The following KCNB2 variants were observed in gnomAD, a reference collection of about 807,000 sequenced individuals.
KCNB2 encodes the protein delayed rectifier potassium channel protein.
KCNB2 carries 15 observed loss-of-function variants against 61.5 expected under a neutral mutation model. The observed-to-expected ratio is 0.24, with a 90% CI of 0.16 to 0.38. The LOEUF is 0.38. Ranked by LOEUF, KCNB2 falls within the 10% of genes least tolerant of loss-of-function variation. The probability of loss-of-function intolerance (pLI) is 1.00; values close to 1 mark genes in which losing one functional copy is unlikely to be tolerated. For missense variants in KCNB2, 828 were observed against 1,125.2 expected (o/e 0.74, Z 3.78); for synonymous variants, 457 against 446.0 (o/e 1.02, Z -0.31).
chr8:72,692,611 A>C (rs1242569071), intron 2 of KCNB2, among the ~76,000 whole-genome samples: 2 of 152,102 alleles, frequency 1.3e-5, no homozygotes, highest in Non-Finnish European at 2.9e-5. Context: ...GTACCCACCA[A>C]ACTACTCCCC....
At chr8:72,678,036 T>A (rs2256916) in intron 2 of KCNB2, among the ~76,000 whole-genome samples, 38,853 of 152,076 alleles carry the variant, frequency 0.26, 8,609 homozygotes, top group African/African-American at 0.6. Context: ...TCCCCTAAAC[T>A]GGTTCTTCCT....
At chr8:72,664,194 G>C (rs1396151650) in intron 2 of KCNB2, among the ~76,000 whole-genome samples, 2 of 152,222 alleles carry the variant, frequency 1.3e-5, no homozygotes, top group Non-Finnish European at 2.9e-5. Context: ...CCCTGTGTCA[G>C]CTCAGCTCCT....
chr8:72,717,094 C>A (rs1396958624), intron 2 of KCNB2, among the ~76,000 whole-genome samples: 1 of 152,078 alleles, frequency 6.6e-6, no homozygotes, highest in Admixed American at 6.6e-5. Context: ...ACCTAGGAAT[C>A]CAACTTACAA....
At chr8:72,638,165 G>A (rs540005206) in intron 2 of KCNB2, among the ~76,000 whole-genome samples, 20 of 152,022 alleles carry the variant, frequency 1.3e-4, no homozygotes, top group Non-Finnish European at 2.1e-4. Flanking sequence ...TCCAGTATCC[G>A]CCATTCAGAA....
At chr8:72,739,251 CT>C (rs1807903052) in intron 2 of KCNB2, among the ~76,000 whole-genome samples, 2 of 151,730 alleles carry the variant, frequency 1.3e-5, no homozygotes, top group African/African-American at 4.9e-5. Context: ...CCCCCGAGAA[CT>C]GGAATTCATT....
At chr8:72,934,285 G>C (rs1806853833) in intron 2 of KCNB2, among the ~76,000 whole-genome samples, 2 of 150,898 alleles carry the variant, frequency 1.3e-5, no homozygotes, top group Admixed American at 1.3e-4. Context: ...AAGGCCAGAG[G>C]ATCACTTGAG....
chr8:72,716,653 G>T (rs1253845664), intron 2 of KCNB2, among the ~76,000 whole-genome samples: 1 of 152,104 alleles, frequency 6.6e-6, no homozygotes. Context: ...GGTATTGATG[G>T]GACGTATCTC....
rs138114031 is a variant in KCNB2, at chr8:72,699,185, G to A, written c.579+130872G>A. 2.1e-3 allele frequency among the ~76,000 whole-genome samples: 322 copies of A among 152,084 alleles called. 3 individuals are homozygous for A. Among genetic ancestry groups the A allele is most frequent in the African/African-American group, 7.3e-3 (302 of 41,520 alleles). On this transcript the variant is annotated intron_variant, in intron 2 of 2. Transcript: ENST00000523207. Reference sequence around the variant, plus strand: ...AAAAAACAACATCATTAAAAAGTGAGCAAACTAATTTACACTTCCAACAAC... The same window carrying A: ...AAAAAACAACATCATTAAAAAGTGAACAAACTAATTTACACTTCCAACAAC...
intron 2 of KCNB2, among the ~76,000 whole-genome samples, chr8:72,689,462 T>C (rs1806907117): frequency 6.6e-6 from 1 of 152,222 alleles, no homozygotes; most frequent in Admixed American, 6.5e-5. Context: ...ATTTTTAGTA[T>C]GTTTGCAGAG....
intron 2 of KCNB2, among the ~76,000 whole-genome samples, chr8:72,663,954 C>T (rs1270680272): frequency 2.0e-5 from 3 of 152,180 alleles, no homozygotes; most frequent in Non-Finnish European, 2.9e-5. Context: ...AATAAATGGT[C>T]CTCCTCCTTC....
At chr8:72,771,283 A>T (rs1808553462) in intron 2 of KCNB2, among the ~76,000 whole-genome samples, 1 of 152,234 alleles carries the variant, frequency 6.6e-6, no homozygotes, top group South Asian at 2.1e-4. Flanking sequence ...TGCTCATTTG[A>T]AAAGCAGGGA....
At chr8:72,565,972 A>G (rs1806618556) in intron 1 of KCNB2, among the ~76,000 whole-genome samples, 1 of 152,192 alleles carries the variant, frequency 6.6e-6, no homozygotes, top group South Asian at 2.1e-4. Flanking sequence ...GGTATGGTGG[A>G]AGTTTCATGA....
chr8:72,554,333 C>T (rs577180881), intron 1 of KCNB2, among the ~76,000 whole-genome samples: 36 of 152,122 alleles, frequency 2.4e-4, no homozygotes, highest in Non-Finnish European at 3.5e-4. Flanking sequence ...GGATCTAAAT[C>T]CGTATTTCTT....
At chr8:72,813,839 A>G (rs893134191) in intron 2 of KCNB2, among the ~76,000 whole-genome samples, 1 of 152,222 alleles carries the variant, frequency 6.6e-6, no homozygotes, top group African/African-American at 2.4e-5. Flanking sequence ...AAATGAAGTC[A>G]TGAGTGCATG....
chr8:72,778,073 T>A (rs555574965), intron 2 of KCNB2, among the ~76,000 whole-genome samples: 12 of 152,310 alleles, frequency 7.9e-5, no homozygotes, highest in African/African-American at 2.6e-4. Flanking sequence ...AATGTTAGAC[T>A]AAAAATGAAT....
chr8:72,643,386 A>C (rs1429679047), intron 2 of KCNB2, among the ~76,000 whole-genome samples: 1 of 152,148 alleles, frequency 6.6e-6, no homozygotes, highest in Non-Finnish European at 1.5e-5. Context: ...CTGTGATGGT[A>C]TGGCACACCC....
At chr8:72,932,400 G>C (rs1365044384) in intron 2 of KCNB2, among the ~76,000 whole-genome samples, 1 of 152,156 alleles carries the variant, frequency 6.6e-6, no homozygotes, top group African/African-American at 2.4e-5. Context: ...TAATCTAAAT[G>C]GGTCCAGGTG....
In KCNB2 at chr8:72,537,670, G is replaced by C. The variant is rs915252385; in HGVS notation, c.-309G>C. The C allele has an allele frequency of 6.6e-6, 1 of 152,394 alleles. No homozygotes were observed. The highest frequency in any genetic ancestry group is 2.4e-5 in the African/African-American group (1 of 41,452). The allele number at this position is 152,394 out of a possible 1,614,324, so 9.4% of individuals were successfully genotyped here. A position where few individuals can be genotyped will look rare whatever the true frequency, so the allele number is the denominator to read the frequency against. The stretch of plus-strand genomic sequence containing the variant: ...CCTTCCTACTAGAGACCGTGAACCA[G>C]AGTCAGGGATGTAAAGACAGGGGGA... On this transcript the variant is annotated 5_prime_UTR_variant, in exon 1 of 3. Transcript: ENST00000523207.
intron 2 of KCNB2, among the ~76,000 whole-genome samples, chr8:72,694,057 T>C (rs983471030): frequency 1.3e-5 from 2 of 152,220 alleles, no homozygotes; most frequent in African/African-American, 2.4e-5. Context: ...AATTTGAGCA[T>C]TTTAATATTA....
Sources: gnomAD v4.1 joint callset for allele counts (sites outside exome capture counted in the v4.1 genomes callset) on GRCh38, gnomAD v4.1.1 for gene constraint, MANE v1.5 for transcripts, NCBI Gene and HGNC (gene_info 2026-07-23, HGNC 2026-07-21) for gene names.